Variants in PRELID2 observed in about 807,000 individuals in gnomAD.
PRELID2 encodes the protein PRELI domain-containing protein 2.
Under a neutral mutation model 28.4 loss-of-function variants are expected in PRELID2, and 25 were observed. The ratio of observed to expected loss-of-function variants is 0.88; its 90% CI spans 0.64 to 1.23. The LOEUF is 1.23. Ranked by LOEUF, PRELID2 falls within the 50% of genes most tolerant of loss-of-function variation. The pLI is 0.00. For synonymous variants in PRELID2, 76 were observed against 71.6 expected (o/e 1.06, Z -0.31); for missense variants, 201 against 214.4 (o/e 0.94, Z 0.39).
the PRELID2 span, among the ~76,000 whole-genome samples, chr5:145,259,095 G>A: frequency 6.6e-6 from 1 of 152,234 alleles, no homozygotes; most frequent in Non-Finnish European, 1.5e-5. Flanking sequence ...GCTTGTGGGT[G>A]CATAGAATAC....
intron 1 of PRELID2, among the ~76,000 whole-genome samples, chr5:145,492,151 C>T (rs1427578665): frequency 6.6e-6 from 1 of 152,136 alleles, no homozygotes; most frequent in Non-Finnish European, 1.5e-5. Flanking sequence ...ACATTGCCAC[C>T]AACAGTGTGC....
chr5:145,778,863 C>A (rs938189541), intron 5 of PRELID2, among the ~76,000 whole-genome samples: 6 of 152,210 alleles, frequency 3.9e-5, no homozygotes, highest in African/African-American at 1.4e-4. Flanking sequence ...TCACCAGCCA[C>A]AGGTTTCCAG....
chr5:145,312,964 A>G, the PRELID2 span, among the ~76,000 whole-genome samples: 1 of 152,142 alleles, frequency 6.6e-6, no homozygotes, highest in South Asian at 2.1e-4. Flanking sequence ...AAAGAAATCT[A>G]TAAATTCAGT....
chr5:145,703,411 T>C (rs530941670), intron 1 of PRELID2, among the ~76,000 whole-genome samples: 2 of 152,306 alleles, frequency 1.3e-5, no homozygotes, highest in South Asian at 4.1e-4. Context: ...GTGGTAGACA[T>C]GCCCCAAATA....
rs571014723 is a variant in PRELID2 at position 145,624,974 on chromosome 5, A to G, written n.70+139957T>C. ...AGAGGCGCAAATGTCCCATAATCAT[A>G]AGACAACAATCAACCTCATTAGTAG... On this transcript the variant is annotated intron_variant and non_coding_transcript_variant, in intron 1 of 2. Coordinates refer to the PRELID2 transcript ENST00000510259. 7.2e-5 allele frequency among the ~76,000 whole-genome samples: 11 copies of G among 152,308 alleles called. No homozygotes were observed. In the East Asian group the frequency reaches 1.9e-3, roughly 27 times the overall value.
the PRELID2 span, among the ~76,000 whole-genome samples, chr5:145,308,187 T>C: frequency 6.6e-6 from 1 of 152,200 alleles, no homozygotes; most frequent in Non-Finnish European, 1.5e-5. Context: ...CATTATTCTC[T>C]GAGACAAGCG....
the PRELID2 span, among the ~76,000 whole-genome samples, chr5:145,277,240 A>G: frequency 1.3e-5 from 2 of 152,172 alleles, no homozygotes; most frequent in Admixed American, 1.3e-4. Flanking sequence ...TTTTCAAAAA[A>G]TAAGATCGCA....
At chr5:145,400,090 T>C in the PRELID2 span, among the ~76,000 whole-genome samples, 1 of 152,158 alleles carries the variant, frequency 6.6e-6, no homozygotes, top group East Asian at 1.9e-4. Context: ...TGGACCTTTA[T>C]TGGATAATGG....
chr5:145,634,969 C>T (rs979899688), intron 1 of PRELID2, among the ~76,000 whole-genome samples: 3 of 152,166 alleles, frequency 2.0e-5, no homozygotes, highest in African/African-American at 7.2e-5. Context: ...AGTTAACCAT[C>T]CCCTATTTCC....
chr5:145,354,982 A>G, the PRELID2 span, among the ~76,000 whole-genome samples: 1 of 152,202 alleles, frequency 6.6e-6, no homozygotes, highest in Non-Finnish European at 1.5e-5. Context: ...AACAAAATTG[A>G]TGATGGAATG....
chr5:145,590,058 C>A (rs1314150712), intron 1 of PRELID2, among the ~76,000 whole-genome samples: 2 of 152,140 alleles, frequency 1.3e-5, no homozygotes, highest in African/African-American at 4.8e-5. Flanking sequence ...ACTTACCAGA[C>A]CTCCAAATTC....
At chr5:145,233,486 G>A in the PRELID2 span, among the ~76,000 whole-genome samples, 1 of 152,116 alleles carries the variant, frequency 6.6e-6, no homozygotes, top group Non-Finnish European at 1.5e-5. Context: ...CGGACTTGGA[G>A]AAGGCAGTCA....
At chr5:145,261,795 A>G in the PRELID2 span, among the ~76,000 whole-genome samples, 3 of 152,200 alleles carry the variant, frequency 2.0e-5, no homozygotes, top group African/African-American at 4.8e-5. Flanking sequence ...TAACACCCCC[A>G]AAAGATCACA....
the PRELID2 span, among the ~76,000 whole-genome samples, chr5:145,300,332 A>G: frequency 1.3e-5 from 2 of 152,256 alleles, no homozygotes; most frequent in East Asian, 3.9e-4. Flanking sequence ...AGAAAGTAAT[A>G]CATTTTAAGG....
chr5:145,705,478 G>A (rs1013280163), intron 1 of PRELID2, among the ~76,000 whole-genome samples: 54 of 152,056 alleles, frequency 3.6e-4, no homozygotes, highest in African/African-American at 1.3e-3. Context: ...TGGGATTACA[G>A]GCATGAGCCA....
At position 145,476,524 on chromosome 5, in the gene PRELID2, A is replaced by G. The variant is rs1449997247; in HGVS notation, n.71-3209T>C. Among the ~76,000 whole-genome samples the G allele has an allele frequency of 2.6e-5, 4 of 152,238 alleles. No homozygotes were observed. In the East Asian group the frequency reaches 7.7e-4, roughly 29 times the overall value. On this transcript the variant is annotated intron_variant and non_coding_transcript_variant, in intron 1 of 2. Coordinates refer to the PRELID2 transcript ENST00000510259. Reference sequence around the variant, plus strand: ...GCTAGGTGTGGTGGCATGCACCTATAATCCTAGCTACTTGGGAGGCTGAGG... The same window carrying G: ...GCTAGGTGTGGTGGCATGCACCTATGATCCTAGCTACTTGGGAGGCTGAGG...
At chr5:145,464,208 T>C in the PRELID2 span, among the ~76,000 whole-genome samples, 2 of 152,280 alleles carry the variant, frequency 1.3e-5, no homozygotes, top group East Asian at 1.9e-4. Flanking sequence ...TGCTTCCAGA[T>C]AGAGTTGAGA....
the PRELID2 span, among the ~76,000 whole-genome samples, chr5:145,243,600 T>C: frequency 2.0e-5 from 3 of 152,052 alleles, no homozygotes; most frequent in African/African-American, 7.2e-5. Flanking sequence ...ATCACCATCA[T>C]CATCCTCATC....
intron 1 of PRELID2, among the ~76,000 whole-genome samples, chr5:145,556,306 C>T (rs1251082611): frequency 6.6e-6 from 1 of 151,982 alleles, no homozygotes; most frequent in African/African-American, 2.4e-5. Flanking sequence ...AAATTAAGCA[C>T]GTGCAATTCC....
Sources: allele counts gnomAD v4.1 joint callset (sites outside exome capture counted in the v4.1 genomes callset), GRCh38; gene constraint gnomAD v4.1.1; transcripts MANE v1.5; gene names NCBI Gene and HGNC (gene_info 2026-07-23, HGNC 2026-07-21).